CLTCL1: variants seen among roughly 807,000 people sequenced by gnomAD.
The protein encoded by CLTCL1 is clathrin heavy chain 2.
A neutral mutation model predicts 190.0 loss-of-function variants in CLTCL1; 159 were observed. The observed-to-expected ratio is 0.84, with a 90% CI of 0.74 to 0.95. CLTCL1 has a LOEUF of 0.95. Ranked by LOEUF, CLTCL1 falls within the 40% of genes least tolerant of loss-of-function variation. The probability of loss-of-function intolerance (pLI) is 0.00; values close to 1 mark genes in which losing one functional copy is unlikely to be tolerated. For missense variants in CLTCL1, 1,878 were observed against 2,033.4 expected, an observed-to-expected ratio of 0.92 and a Z score of 1.47; for synonymous variants, 752 against 769.6, an observed-to-expected ratio of 0.98 and a Z score of 0.38.
intron 2 of CLTCL1, chr22:19,258,129 T>C (rs1393988102): frequency 1.3e-5 from 5 of 388,324 alleles, no homozygotes; most frequent in African/African-American, 1.1e-4. Context: ...AAGACAAAGA[T>C]TGAGACTCTC....
chr22:19,225,317 G>A, intron 13 of CLTCL1, 136 bp downstream of exon 13: 4 of 842,878 alleles, frequency 4.7e-6, no homozygotes, highest in Non-Finnish European at 5.4e-6. Context: ...GCCACCGACT[G>A]AGCACCCAAG....
chr22:19,184,706 T>G, intron 29 of CLTCL1: 1 of 387,518 alleles, frequency 2.6e-6, no homozygotes, highest in Non-Finnish European at 5.2e-6. Context: ...GGCCCTGCTC[T>G]GTTCCTCCTC....
At chr22:19,252,991 G>A (rs1315029427) in intron 3 of CLTCL1, among the ~76,000 whole-genome samples, 4 of 147,508 alleles carry the variant, frequency 2.7e-5, no homozygotes, top group Non-Finnish European at 6.0e-5. Flanking sequence ...TCCAGCTTGG[G>A]TGACAGAGTA....
At chr22:19,226,159 C>G (rs1272352491) in intron 12 of CLTCL1, 60 bp downstream of exon 12, 2 of 1,553,452 alleles carry the variant, frequency 1.3e-6, no homozygotes, top group African/African-American at 1.4e-5. Context: ...CACTGGGGAG[C>G]ATGTGACATT....
At chr22:19,180,356 C>A in intron 31 of CLTCL1, 118 bp from the exon 32 acceptor site, 1 of 1,104,784 alleles carries the variant, frequency 9.1e-7, no homozygotes, top group South Asian at 1.3e-5. Context: ...CCCACAGTGT[C>A]CAAGCACCCC....
At chr22:19,232,716 T>A in intron 9 of CLTCL1, 118 bp from the exon 10 acceptor site, 2 of 1,316,828 alleles carry the variant, frequency 1.5e-6, no homozygotes, top group South Asian at 1.4e-5. Context: ...AGCAACATTA[T>A]CATGTGTAGG....
intron 18 of CLTCL1, among the ~76,000 whole-genome samples, chr22:19,217,787 G>C: frequency 6.6e-6 from 1 of 151,110 alleles, no homozygotes; most frequent in Non-Finnish European, 1.5e-5. Context: ...AGTGGAGGTT[G>C]CAGTGAGCCG....
intron 26 of CLTCL1, among the ~76,000 whole-genome samples, chr22:19,192,910 T>C (rs1312402229): frequency 1.3e-5 from 2 of 152,306 alleles, no homozygotes; most frequent in East Asian, 3.9e-4. Flanking sequence ...CTGTCAGCCT[T>C]CTAGGCTGGC....
At chr22:19,219,529 G>A (rs1169000065) in intron 18 of CLTCL1, among the ~76,000 whole-genome samples, 2 of 149,616 alleles carry the variant, frequency 1.3e-5, no homozygotes, top group African/African-American at 4.9e-5. Context: ...TGTCGCCCAG[G>A]CTGGAGTGCA....
rs5748070 is a variant in CLTCL1, at chr22:19,244,817, A to G, written c.520-1881T>C. 9.4e-3 allele frequency among the ~76,000 whole-genome samples: 1,438 copies of G among 152,356 alleles called. 36 individuals carry two copies. The highest frequency in any genetic ancestry group is 0.069 in the East Asian group (357 of 5,182). ...TGTCAAATTTTGGTAAAGGCATGTT[A>G]AGGACTGTAGCAGGCAAGGATTCAA... On this transcript the variant is annotated intron_variant, in intron 3 of 32. Coordinates refer to ENST00000427926, the MANE Select transcript of CLTCL1 (RefSeq NM_007098.4).
chr22:19,284,471 G>A (rs965561237), intron 1 of CLTCL1, among the ~76,000 whole-genome samples: 3 of 151,908 alleles, frequency 2.0e-5, no homozygotes, highest in South Asian at 2.1e-4. Context: ...GACCAGCCTG[G>A]CCAACATAAT....
chr22:19,257,196 A>T (rs1366730159), intron 2 of CLTCL1, among the ~76,000 whole-genome samples: 2 of 152,256 alleles, frequency 1.3e-5, no homozygotes, highest in African/African-American at 4.8e-5. Context: ...TTTAAACCTC[A>T]TTACAAAGTT....
chr22:19,223,789 G>A lies in CLTCL1; in HGVS notation c.2292+102C>T, dbSNP rs557690258. 33 of 1,406,402 alleles carry A rather than the reference G, an allele frequency of 2.3e-5. 1 individual carries two copies. In the South Asian group the frequency reaches 3.1e-4, roughly 13 times the overall value. The allele number at this position is 1,406,402 out of a possible 1,614,324, so 87.1% of individuals were successfully genotyped here. A position where few individuals can be genotyped will look rare whatever the true frequency, so the allele number is the denominator to read the frequency against. ...TCCCTGGGACTAAGGGGTCCCTGGCGAGACAGATCCAGCTTCCTGCCCCTG... is the reference window on the plus strand; with the variant it reads ...TCCCTGGGACTAAGGGGTCCCTGGCAAGACAGATCCAGCTTCCTGCCCCTG... On this transcript the variant is annotated intron_variant, in intron 14 of 32. Transcript: ENST00000427926.
intron 27 of CLTCL1, among the ~76,000 whole-genome samples, chr22:19,190,712 G>T (rs1017050167): frequency 2.0e-5 from 3 of 151,856 alleles, no homozygotes; most frequent in Non-Finnish European, 4.4e-5. Flanking sequence ...CATGAAGTGG[G>T]CACATGCTGT....
intron 4 of CLTCL1, among the ~76,000 whole-genome samples, chr22:19,240,931 CAT>C (rs1427947799): frequency 6.6e-6 from 1 of 152,232 alleles, no homozygotes; most frequent in Non-Finnish European, 1.5e-5. Flanking sequence ...CTCCGCCCCA[CAT>C]GTGGAGACAG....
At chr22:19,220,593 G>A (rs1170234331) in intron 17 of CLTCL1, among the ~76,000 whole-genome samples, 6 of 152,150 alleles carry the variant, frequency 3.9e-5, no homozygotes, top group Non-Finnish European at 5.9e-5. Flanking sequence ...ATGTTCTAGC[G>A]TGTGCAGCAC....
chr22:19,200,699 G>A (rs185300113), intron 23 of CLTCL1, among the ~76,000 whole-genome samples: 7 of 152,234 alleles, frequency 4.6e-5, no homozygotes, highest in South Asian at 2.1e-4. Context: ...AAAATTAGCC[G>A]GGCGTGGTGG....
At chr22:19,206,138 C>T (rs1555942615) in intron 22 of CLTCL1, among the ~76,000 whole-genome samples, 1 of 152,162 alleles carries the variant, frequency 6.6e-6, no homozygotes, top group Non-Finnish European at 1.5e-5. Flanking sequence ...TTTGCCTGGG[C>T]TGGTCTTGAA....
chr22:19,261,941 T>C (rs2086961797), intron 2 of CLTCL1, among the ~76,000 whole-genome samples: 2 of 152,216 alleles, frequency 1.3e-5, no homozygotes, highest in African/African-American at 4.8e-5. Flanking sequence ...CAAACAGCAT[T>C]GCACGCTACA....
Sources: allele counts gnomAD v4.1 joint callset (sites outside exome capture counted in the v4.1 genomes callset), GRCh38; gene constraint gnomAD v4.1.1; transcripts MANE v1.5; gene names NCBI Gene and HGNC (gene_info 2026-07-23, HGNC 2026-07-21).